MICU3: variants seen among roughly 807,000 people sequenced by gnomAD.
MICU3 encodes the protein mitochondrial calcium uptake 3.
In MICU3, 62 loss-of-function variants were observed where a neutral mutation model predicts 66.5. The observed-to-expected ratio is 0.93, with a 90% CI of 0.76 to 1.15. The LOEUF is 1.15. Ranked by LOEUF, MICU3 falls within the 50% of genes most tolerant of loss-of-function variation. The pLI, the probability that MICU3 is intolerant of heterozygous loss-of-function variation, is 0.00. For missense variants in MICU3, 779 were observed against 664.4 expected, an observed-to-expected ratio of 1.17 and a Z score of -1.90; for synonymous variants, 308 against 240.7, an observed-to-expected ratio of 1.28 and a Z score of -2.59.
At chr8:17,116,648 G>A in intron 13 of MICU3, 48 bp downstream of exon 13, 1 of 1,313,500 alleles carries the variant, frequency 7.6e-7, no homozygotes, top group Non-Finnish European at 1.0e-6. Flanking sequence ...TAAAGTCTGA[G>A]GGAAATCAAT....
At chr8:17,075,970 C>T (rs930904316) in intron 3 of MICU3, among the ~76,000 whole-genome samples, 5 of 152,070 alleles carry the variant, frequency 3.3e-5, no homozygotes, top group African/African-American at 1.2e-4. Context: ...TATACAGTTA[C>T]AATAGAGATG....
At chr8:17,038,519 A>G (rs1269057731) in intron 1 of MICU3, among the ~76,000 whole-genome samples, 2 of 152,174 alleles carry the variant, frequency 1.3e-5, no homozygotes, top group African/African-American at 4.8e-5. Flanking sequence ...TCGGGTATGT[A>G]TTTATTAGCA....
chr8:17,104,160 A>G (rs1229047212), intron 9 of MICU3, among the ~76,000 whole-genome samples: 2 of 151,918 alleles, frequency 1.3e-5, no homozygotes, highest in Non-Finnish European at 2.9e-5. Flanking sequence ...CACATCTTCA[A>G]AAATTTTTGA....
At chr8:17,079,507 G>C (rs1398436996) in intron 4 of MICU3, among the ~76,000 whole-genome samples, 3 of 151,890 alleles carry the variant, frequency 2.0e-5, no homozygotes, top group Non-Finnish European at 4.4e-5. Flanking sequence ...TAAATCTTTA[G>C]AGCTATTGAA....
chr8:17,135,653 G>C, the MICU3 span, among the ~76,000 whole-genome samples: 1 of 152,066 alleles, frequency 6.6e-6, no homozygotes, highest in Non-Finnish European at 1.5e-5. Flanking sequence ...GCCTCCAGAA[G>C]AGTGTAAAAT....
chr8:17,097,634 C>A (rs1800852161), intron 8 of MICU3, among the ~76,000 whole-genome samples: 1 of 151,694 alleles, frequency 6.6e-6, no homozygotes, highest in Non-Finnish European at 1.5e-5. Flanking sequence ...CTTGAGTACA[C>A]CATGCAGCAT....
Position 17,086,984 on chromosome 8 carries a change from A to G in MICU3, c.798A>G (p.Lys266=), listed in dbSNP as rs751076440. The G allele has an allele frequency of 1.2e-6, 2 of 1,605,174 alleles. No individual in the cohort carries two copies. The highest frequency in any genetic ancestry group is 1.7e-6 in the Non-Finnish European group (2 of 1,173,100). Residue 266 remains lysine, a synonymous_variant, in exon 7 of 15, where the codon AAA becomes AAG. Coordinates refer to ENST00000318063, the MANE Select transcript of MICU3 (RefSeq NM_181723.3). ...EFLVLQEIFR[K]KNEKREIKGD... ...GTCAGCTTCAAGAGATATTCAGGAA[A>G]AAAAATGAAAAGAGAGAAATTAAAG...
At chr8:17,083,045 A>G (rs1361658010) in intron 5 of MICU3, among the ~76,000 whole-genome samples, 2 of 152,134 alleles carry the variant, frequency 1.3e-5, no homozygotes, top group African/African-American at 2.4e-5. Context: ...TTTTTACTCA[A>G]ATGAATTTCC....
chr8:17,030,442 A>G (rs1811821643), intron 1 of MICU3, among the ~76,000 whole-genome samples: 2 of 152,368 alleles, frequency 1.3e-5, no homozygotes, highest in East Asian at 1.9e-4. Context: ...TTGAGCGTCT[A>G]CAAAAAATAG....
chr8:17,055,873 G>T (rs1012130329), intron 1 of MICU3, among the ~76,000 whole-genome samples: 2 of 152,182 alleles, frequency 1.3e-5, no homozygotes, highest in African/African-American at 2.4e-5. Flanking sequence ...GGATTAATTG[G>T]TGAAGGTCTT....
Position 17,085,310 on chromosome 8 carries a change from T to G in MICU3, c.769T>G (p.Phe257Val), listed in dbSNP as rs1585411000. The change falls in exon 6 of 15, where the codon TTT (phenylalanine) becomes GTT (valine). Residue 257 changes from phenylalanine to valine, a missense_variant. Coordinates refer to ENST00000318063, the MANE Select transcript of MICU3 (RefSeq NM_181723.3). ...CAATGAGATGGTGGATAAAAAAGAG[T>G]TTTTGGTGGTATGTATACTAGATGC... is the stretch of plus-strand genomic sequence containing the variant. ...DGNEMVDKKE[F>V]LVLQEIFRKK... 1 of 1,596,846 alleles carries G rather than the reference T, an allele frequency of 6.3e-7. No homozygotes were observed. The highest frequency in any genetic ancestry group is 8.6e-7 in the Non-Finnish European group (1 of 1,166,116).
chr8:17,096,955 TTGTGTGTGTGTGTG>T lies in MICU3; in HGVS notation c.889-1474_889-1461del, dbSNP rs3988378. 2.0e-3 allele frequency among the ~76,000 whole-genome samples: 290 copies of T among 141,632 alleles called. 4 individuals are homozygous for T. The East Asian group carries it at 0.026, about 13-fold the overall frequency. The allele number at this position is 141,632 out of a possible 152,430, so 92.9% of individuals were successfully genotyped here. A position where few individuals can be genotyped will look rare whatever the true frequency, so the allele number is the denominator to read the frequency against. On this transcript the variant is annotated intron_variant, in intron 8 of 14. Coordinates refer to ENST00000318063, the MANE Select transcript of MICU3 (RefSeq NM_181723.3). ...AGTTCTTAATACGTTCTAAATATAT[TTGTGTGTGTGTGTG>T]TGTGTGTGTGTGTGTGTGTGTGTGT...
intron 1 of MICU3, among the ~76,000 whole-genome samples, chr8:17,050,099 G>T (rs1302835968): frequency 6.6e-6 from 1 of 152,050 alleles, no homozygotes; most frequent in Non-Finnish European, 1.5e-5. Context: ...ACATGCTGCA[G>T]TGACTATCCA....
intron 1 of MICU3, among the ~76,000 whole-genome samples, chr8:17,031,565 C>T (rs1268017372): frequency 1.3e-5 from 2 of 151,926 alleles, no homozygotes; most frequent in Non-Finnish European, 2.9e-5. Context: ...GGAATACAGT[C>T]GTGAGCCGCT....
chr8:17,126,531 A>T (rs758657754), downstream of MICU3, among the ~76,000 whole-genome samples: 12 of 152,232 alleles, frequency 7.9e-5, no homozygotes, highest in Non-Finnish European at 7.3e-5. Flanking sequence ...AAGGAACTTA[A>T]GGATGGTTAT....
intron 9 of MICU3, among the ~76,000 whole-genome samples, chr8:17,103,121 C>G (rs1029023074): frequency 6.6e-6 from 1 of 151,768 alleles, no homozygotes; most frequent in African/African-American, 2.4e-5. Context: ...GGGACATGTG[C>G]AGGGGAAATC....
At chr8:17,114,317 G>A (rs577215369) in intron 12 of MICU3, 116 bp downstream of exon 12, 183 of 614,380 alleles carry the variant, frequency 3.0e-4, no homozygotes, top group Non-Finnish European at 4.6e-4. Flanking sequence ...GTGAAAGTCC[G>A]GTGTATACTT....
chr8:17,123,145 T>C (rs1418916488), downstream of MICU3, among the ~76,000 whole-genome samples: 1 of 152,120 alleles, frequency 6.6e-6, no homozygotes, highest in Non-Finnish European at 1.5e-5. Flanking sequence ...TGTAAAAAAT[T>C]GGTAGCATTT....
chr8:17,101,929 C>G (rs1368494278), intron 9 of MICU3, among the ~76,000 whole-genome samples: 1 of 151,866 alleles, frequency 6.6e-6, no homozygotes, highest in Admixed American at 6.6e-5. Flanking sequence ...TTACAGTACA[C>G]TAGTCAGAGG....
Sources: allele counts gnomAD v4.1 joint callset (sites outside exome capture counted in the v4.1 genomes callset), GRCh38; gene constraint gnomAD v4.1.1; transcripts MANE v1.5; gene names NCBI Gene and HGNC (gene_info 2026-07-23, HGNC 2026-07-21).